GPC5: variants seen among roughly 807,000 people sequenced by gnomAD.
The protein encoded by GPC5 is glypican 5.
In GPC5, 47 loss-of-function variants were observed where a neutral mutation model predicts 53.9. The observed-to-expected ratio is 0.87, with a 90% confidence interval of 0.69 to 1.11. GPC5 has a LOEUF of 1.11. Ranked by LOEUF, GPC5 falls within the 50% of genes most tolerant of loss-of-function variation. The probability of loss-of-function intolerance (pLI) is 0.00; values close to 1 mark genes in which losing one functional copy is unlikely to be tolerated. For synonymous variants in GPC5, 286 were observed against 263.3 expected (o/e 1.09, Z -0.84); for missense variants, 748 against 713.1 (o/e 1.05, Z -0.56).
chr13:91,655,435 G>A (rs1012630149), intron 2 of GPC5, among the ~76,000 whole-genome samples: 26 of 151,764 alleles, frequency 1.7e-4, no homozygotes, highest in Non-Finnish European at 3.4e-4. Context: ...ATTCATATAT[G>A]GTTGAAAGGG....
chr13:91,536,588 G>A (rs1385499565), intron 2 of GPC5, among the ~76,000 whole-genome samples: 2 of 152,168 alleles, frequency 1.3e-5, no homozygotes, highest in South Asian at 4.1e-4. Flanking sequence ...CCTTCTGAGG[G>A]TTGTGAGGGA....
At chr13:91,915,136 G>T (rs941671902) in intron 6 of GPC5, among the ~76,000 whole-genome samples, 1 of 152,056 alleles carries the variant, frequency 6.6e-6, no homozygotes, top group African/African-American at 2.4e-5. Context: ...CCAGAGAAAC[G>T]AACAGTTCTT....
chr13:91,734,728 A>G (rs990339970), intron 4 of GPC5, among the ~76,000 whole-genome samples: 1 of 151,428 alleles, frequency 6.6e-6, no homozygotes, highest in Non-Finnish European at 1.5e-5. Flanking sequence ...GTGGTGAATA[A>G]AGTGATGTTT....
chr13:92,518,491 G>T (rs898443264), intron 7 of GPC5, among the ~76,000 whole-genome samples: 1 of 152,122 alleles, frequency 6.6e-6, no homozygotes, highest in Admixed American at 6.6e-5. Context: ...TTAAAGAAAA[G>T]AATTTTCAAC....
intron 2 of GPC5, among the ~76,000 whole-genome samples, chr13:91,520,708 GTGTGTGTGTGTA>G (rs1885761364): frequency 2.0e-5 from 3 of 147,930 alleles, no homozygotes; most frequent in Admixed American, 6.7e-5. Flanking sequence ...GTATATATAT[GTGTGTGTGTGTA>G]TGTGTGTGTG....
intron 7 of GPC5, chr13:92,447,268 T>C (rs1877866362): frequency 1.3e-5 from 2 of 152,268 alleles, no homozygotes; most frequent in South Asian, 4.1e-4. Context: ...CAGTTTGAGG[T>C]CTTAGATTTA....
At chr13:91,760,515 A>G (rs1208256031) in intron 5 of GPC5, among the ~76,000 whole-genome samples, 1 of 152,170 alleles carries the variant, frequency 6.6e-6, no homozygotes. Context: ...ATGGGAGGTT[A>G]TAATACCCAT....
intron 7 of GPC5, among the ~76,000 whole-genome samples, chr13:92,810,144 T>C (rs1877242090): frequency 6.6e-6 from 1 of 152,058 alleles, no homozygotes; most frequent in South Asian, 2.1e-4. Flanking sequence ...TGGAGGTTAT[T>C]GAAAAACCCC....
At chr13:91,436,543 T>C (rs1216134557) in intron 1 of GPC5, among the ~76,000 whole-genome samples, 4 of 152,240 alleles carry the variant, frequency 2.6e-5, no homozygotes, top group Non-Finnish European at 5.9e-5. Flanking sequence ...TGCACTGTGG[T>C]CTGAGAGACA....
At chr13:92,036,673 T>C in intron 6 of GPC5, among the ~76,000 whole-genome samples, 1 of 152,250 alleles carries the variant, frequency 6.6e-6, no homozygotes, top group Non-Finnish European at 1.5e-5. Flanking sequence ...GATGTCAAAG[T>C]AGTAACTCAC....
chr13:92,671,139 G>A (rs1203297735), intron 7 of GPC5, among the ~76,000 whole-genome samples: 2 of 144,712 alleles, frequency 1.4e-5, no homozygotes, highest in African/African-American at 2.5e-5. Flanking sequence ...AAATCTCAGA[G>A]CTTCCCTAGT....
intron 3 of GPC5, among the ~76,000 whole-genome samples, chr13:91,715,004 C>T (rs2139928403): frequency 6.6e-6 from 1 of 152,320 alleles, no homozygotes; most frequent in South Asian, 2.1e-4. Flanking sequence ...CAGGGCAGTT[C>T]TGTAAGTCGT....
intron 2 of GPC5, among the ~76,000 whole-genome samples, chr13:91,629,607 C>T (rs1347864856): frequency 6.6e-6 from 1 of 152,136 alleles, no homozygotes; most frequent in South Asian, 2.1e-4. Context: ...CACGCTATTA[C>T]ACTCCAGCCT....
intron 7 of GPC5, among the ~76,000 whole-genome samples, chr13:92,335,399 G>C (rs2043315243): frequency 6.6e-6 from 1 of 152,082 alleles, no homozygotes; most frequent in Non-Finnish European, 1.5e-5. Context: ...CCCTCGTCCT[G>C]GTCAAAGCAA....
At chr13:91,436,727 G>A (rs1257990668) in intron 1 of GPC5, among the ~76,000 whole-genome samples, 1 of 152,062 alleles carries the variant, frequency 6.6e-6, no homozygotes, top group East Asian at 1.9e-4. Flanking sequence ...GCTGAGTTCA[G>A]TTCCTGGATA....
chr13:91,960,161 T>C lies in GPC5; in HGVS notation c.1401+52104T>C, dbSNP rs572933688. Among the ~76,000 whole-genome samples, 6 of 99,674 alleles carry C rather than the reference T, an allele frequency of 6.0e-5. No homozygotes were observed. In the East Asian group the frequency reaches 1.9e-3, roughly 32 times the overall value. The allele number at this position is 99,674 out of a possible 152,430, so 65.4% of individuals were successfully genotyped here. A position where few individuals can be genotyped will look rare whatever the true frequency, so the allele number is the denominator to read the frequency against. On this transcript the variant is annotated intron_variant, in intron 6 of 7. Transcript: ENST00000377067. ...TCCCTCTTTACTGATAATATGATCT[T>C]ATTCTAAAAAAAAAAAACTAAAAAC... is the stretch of plus-strand genomic sequence containing the variant.
chr13:91,708,964 G>C (rs571364565), intron 3 of GPC5, among the ~76,000 whole-genome samples: 3 of 152,278 alleles, frequency 2.0e-5, no homozygotes, highest in African/African-American at 7.2e-5. Flanking sequence ...CAAAGGTTTT[G>C]TTTGTTTTCC....
intron 4 of GPC5, among the ~76,000 whole-genome samples, chr13:91,740,967 T>A (rs75138538): frequency 0.014 from 2,181 of 152,278 alleles, 53 homozygotes; most frequent in African/African-American, 0.05. Flanking sequence ...TAAATTAAGA[T>A]GGAGTCTCAA....
chr13:91,986,362 G>A (rs1299080373), intron 6 of GPC5, among the ~76,000 whole-genome samples: 1 of 152,134 alleles, frequency 6.6e-6, no homozygotes, highest in African/African-American at 2.4e-5. Flanking sequence ...ACCACGCCCG[G>A]CCGCCAATAC....
Sources: gnomAD v4.1 joint callset for allele counts (sites outside exome capture counted in the v4.1 genomes callset) on GRCh38, gnomAD v4.1.1 for gene constraint, MANE v1.5 for transcripts, NCBI Gene and HGNC (gene_info 2026-07-23, HGNC 2026-07-21) for gene names.